Variants in RBFOX1 observed in about 807,000 individuals in gnomAD.
The protein encoded by RBFOX1 is RNA binding protein fox-1 homolog 1.
In RBFOX1, 8 loss-of-function variants were observed where a neutral mutation model predicts 57.7. That is an observed-to-expected ratio of 0.14 (90% CI 0.08 to 0.25). The LOEUF (loss-of-function observed/expected upper bound fraction) is 0.25. RBFOX1 is among the 10% of genes least tolerant of loss of function. The pLI is 1.00. For missense variants in RBFOX1, 611 were observed against 548.5 expected, an observed-to-expected ratio of 1.11 and a Z score of -1.14; for synonymous variants, 326 against 222.4, an observed-to-expected ratio of 1.47 and a Z score of -4.15.
chr16:7,245,902 T>G (rs1228940212), intron 4 of RBFOX1, among the ~76,000 whole-genome samples: 1 of 152,174 alleles, frequency 6.6e-6, no homozygotes, highest in African/African-American at 2.4e-5. Flanking sequence ...AAATAGATAT[T>G]CAATTCTCCC....
At chr16:7,709,219 C>A (rs1295091616) in intron 15 of RBFOX1, 88 bp downstream of exon 15, 11 of 1,260,500 alleles carry the variant, frequency 8.7e-6, no homozygotes, top group Non-Finnish European at 1.2e-5. Flanking sequence ...GACGTCCTCT[C>A]ACTTCCCGTT....
intron 3 of RBFOX1, among the ~76,000 whole-genome samples, chr16:5,748,392 T>C (rs574039508): frequency 3.3e-5 from 5 of 152,314 alleles, no homozygotes; most frequent in South Asian, 2.1e-4. Flanking sequence ...CTATTAGGTC[T>C]GCTTGGTGCA....
chr16:7,448,494 C>T (rs1255702823), intron 4 of RBFOX1, among the ~76,000 whole-genome samples: 1 of 152,154 alleles, frequency 6.6e-6, no homozygotes, highest in Non-Finnish European at 1.5e-5. Flanking sequence ...AAACCATCAG[C>T]TCTCATAAGA....
chr16:6,896,224 G>T (rs1490812025), intron 3 of RBFOX1, among the ~76,000 whole-genome samples: 2 of 152,162 alleles, frequency 1.3e-5, no homozygotes, highest in Admixed American at 1.3e-4. Flanking sequence ...AGTGAGCAGA[G>T]ATCATGCCAC....
At chr16:6,642,284 C>T (rs952078844) in intron 2 of RBFOX1, among the ~76,000 whole-genome samples, 57 of 152,166 alleles carry the variant, frequency 3.7e-4, no homozygotes, top group African/African-American at 1.3e-3. Context: ...AAATTATTCA[C>T]CTCATGTGAA....
chr16:6,600,390 T>A (rs890135342), intron 2 of RBFOX1, among the ~76,000 whole-genome samples: 1 of 152,154 alleles, frequency 6.6e-6, no homozygotes, highest in African/African-American at 2.4e-5. Context: ...TCCGTTACAA[T>A]CATGTTTTAT....
At chr16:6,265,122 TG>T (rs1026857426) in intron 1 of RBFOX1, among the ~76,000 whole-genome samples, 3 of 152,192 alleles carry the variant, frequency 2.0e-5, no homozygotes, top group Non-Finnish European at 4.4e-5. Context: ...GACAGTTATC[TG>T]GGGCTATTTT....
intron 3 of RBFOX1, among the ~76,000 whole-genome samples, chr16:6,962,883 A>G (rs1420816338): frequency 2.0e-5 from 3 of 150,556 alleles, no homozygotes; most frequent in Non-Finnish European, 3.0e-5. Flanking sequence ...AGGGAAAAAA[A>G]GAAAAGAAAG....
At chr16:7,059,796 T>A (rs889818255) in intron 4 of RBFOX1, among the ~76,000 whole-genome samples, 2 of 152,106 alleles carry the variant, frequency 1.3e-5, no homozygotes, top group African/African-American at 4.8e-5. Flanking sequence ...GTTGTATTTG[T>A]TCCCAGGGCT....
intron 5 of RBFOX1, among the ~76,000 whole-genome samples, chr16:7,575,679 C>T (rs1353861932): frequency 1.3e-5 from 2 of 152,182 alleles, no homozygotes; most frequent in East Asian, 3.9e-4. Context: ...AGAATGAAGT[C>T]CAGTGGCTTT....
chr16:7,354,647 A>C (rs1351614686), intron 4 of RBFOX1, among the ~76,000 whole-genome samples: 3 of 152,212 alleles, frequency 2.0e-5, no homozygotes, highest in Non-Finnish European at 2.9e-5. Context: ...TGTGTTTATG[A>C]GGAAAGAATT....
intron 3 of RBFOX1, among the ~76,000 whole-genome samples, chr16:7,018,416 T>C (rs1187815293): frequency 6.6e-6 from 1 of 152,188 alleles, no homozygotes; most frequent in African/African-American, 2.4e-5. Flanking sequence ...TGCGTGGGTG[T>C]TCATGAATAT....
chr16:7,399,912 AC>A (rs1442881027), intron 4 of RBFOX1, among the ~76,000 whole-genome samples: 1 of 152,194 alleles, frequency 6.6e-6, no homozygotes, highest in East Asian at 1.9e-4. Context: ...AGAATATTCA[AC>A]AACACAAAGC....
chr16:5,697,389 A>G (rs2050877907), intron 3 of RBFOX1, among the ~76,000 whole-genome samples: 2 of 151,168 alleles, frequency 1.3e-5, no homozygotes, highest in African/African-American at 2.4e-5. Context: ...CATATATGCT[A>G]TCTATAATAC....
intron 2 of RBFOX1, among the ~76,000 whole-genome samples, chr16:6,649,861 A>G (rs1428609279): frequency 6.6e-6 from 1 of 152,164 alleles, no homozygotes; most frequent in African/African-American, 2.4e-5. Context: ...TATTGTATTC[A>G]TCTATGTATA....
chr16:5,734,514 G>A (rs981948733), intron 3 of RBFOX1, among the ~76,000 whole-genome samples: 1 of 152,240 alleles, frequency 6.6e-6, no homozygotes, highest in Non-Finnish European at 1.5e-5. Flanking sequence ...TAAGCCCCAT[G>A]GAGTGTTGCC....
intron 2 of RBFOX1, chr16:6,483,364 G>C: frequency 1.3e-6 from 2 of 1,504,372 alleles, no homozygotes; most frequent in Non-Finnish European, 1.8e-6. Context: ...CCGGGCGAGC[G>C]AAGGCGCGCG....
intron 6 of RBFOX1, among the ~76,000 whole-genome samples, chr16:7,582,798 A>C (rs2093876877): frequency 6.6e-6 from 1 of 152,172 alleles, no homozygotes. Context: ...AAAAACAGTC[A>C]CAAAGATCTT....
intron 1 of RBFOX1, among the ~76,000 whole-genome samples, chr16:6,024,319 G>C (rs2095143892): frequency 2.0e-5 from 3 of 152,140 alleles, no homozygotes; most frequent in Non-Finnish European, 4.4e-5. Context: ...TCATAAGCAA[G>C]ACGTTGAAAT....
Sources: allele counts gnomAD v4.1 joint callset (sites outside exome capture counted in the v4.1 genomes callset), GRCh38; gene constraint gnomAD v4.1.1; transcripts MANE v1.5; gene names NCBI Gene and HGNC (gene_info 2026-07-23, HGNC 2026-07-21).